The following GABRR2 variants were observed in gnomAD, a reference collection of about 807,000 sequenced individuals.
The protein encoded by GABRR2 is gamma-aminobutyric acid type A receptor subunit rho2.
A neutral mutation model predicts 47.0 loss-of-function variants in GABRR2; 36 were observed. The ratio of observed to expected loss-of-function variants is 0.77; its 90% CI spans 0.59 to 1.01. The LOEUF is 1.01. GABRR2 is among the 50% of genes least tolerant of loss of function. GABRR2 has a pLI of 0.00. For synonymous variants in GABRR2, 204 were observed against 227.5 expected (o/e 0.90, Z 0.93); for missense variants, 587 against 594.6 (o/e 0.99, Z 0.13).
At chr6:89,278,355 G>T (rs770861385) in intron 2 of GABRR2, among the ~76,000 whole-genome samples, 3 of 152,208 alleles carry the variant, frequency 2.0e-5, no homozygotes, top group Non-Finnish European at 4.4e-5. Flanking sequence ...CTGAATGATG[G>T]TTCACCTGGG....
intron 1 of GABRR2, among the ~76,000 whole-genome samples, chr6:89,306,106 GT>G (rs1474134340): frequency 6.6e-6 from 1 of 151,266 alleles, no homozygotes; most frequent in African/African-American, 2.4e-5. Context: ...GCCGAGTGCA[GT>G]GGCTCACATC....
intron 3 of GABRR2, 49 bp downstream of exon 3, chr6:89,271,606 C>T: frequency 6.6e-7 from 1 of 1,522,698 alleles, no homozygotes; most frequent in Non-Finnish European, 9.0e-7. Context: ...CCACCGAGGC[C>T]CACTACACTA....
chr6:89,273,672 G>C (rs1049257746), intron 2 of GABRR2, among the ~76,000 whole-genome samples: 2 of 152,214 alleles, frequency 1.3e-5, no homozygotes, highest in African/African-American at 4.8e-5. Flanking sequence ...ACCTGAAGGA[G>C]GGTGTGTGGG....
At chr6:89,289,407 G>A (rs2127843164) in intron 2 of GABRR2, among the ~76,000 whole-genome samples, 1 of 152,290 alleles carries the variant, frequency 6.6e-6, no homozygotes, top group South Asian at 2.1e-4. Context: ...AGGTGATGCT[G>A]GAAGATTAAG....
chr6:89,275,517 G>A (rs186566507), intron 2 of GABRR2, among the ~76,000 whole-genome samples: 1 of 152,056 alleles, frequency 6.6e-6, no homozygotes, highest in Admixed American at 6.6e-5. Flanking sequence ...CAAGTGATCC[G>A]CCCGCCTCAG....
intron 1 of GABRR2, among the ~76,000 whole-genome samples, chr6:89,307,405 G>T (rs1204228552): frequency 6.6e-6 from 1 of 152,204 alleles, no homozygotes; most frequent in African/African-American, 2.4e-5. Context: ...CTTAGCTACA[G>T]ATTATAATCA....
At position 89,255,343 on chromosome 6, in the gene GABRR2, A is replaced by G. The variant is rs981140527; in HGVS notation, c.*2327T>C. ...ATCCCAGCTACTCCAGGGCTGAGGCAGGAGAATTGCTTGAACCCGGGAGGC... is the reference window on the plus strand; with the variant it reads ...ATCCCAGCTACTCCAGGGCTGAGGCGGGAGAATTGCTTGAACCCGGGAGGC... On this transcript the variant is annotated 3_prime_UTR_variant, in exon 9 of 9. Transcript: ENST00000402938. Among the ~76,000 whole-genome samples the G allele has an allele frequency of 1.3e-5, 2 of 152,174 alleles. No individual in the cohort carries two copies. Among genetic ancestry groups the G allele is most frequent in the African/African-American group, 4.8e-5 (2 of 41,444 alleles).
chr6:89,265,591 A>T (rs768478928), intron 7 of GABRR2, 22 bp downstream of exon 7: 1 of 1,603,078 alleles, frequency 6.2e-7, no homozygotes, highest in South Asian at 1.1e-5. Flanking sequence ...CCACCCTACC[A>T]CACCTTATGA....
At position 89,269,028 on chromosome 6, in the gene GABRR2, G is replaced by A. The variant is rs750763228; in HGVS notation, c.495C>T (p.His165=). ...NIMLRVFPDG[H]VLYSMRITVT... ...ACAGCTACCTCATGCTGTACAGCACGTGTCCATCTGGGAACACCCTCAGCA... is the reference window on the plus strand; with the variant it reads ...ACAGCTACCTCATGCTGTACAGCACATGTCCATCTGGGAACACCCTCAGCA... Residue 165 remains histidine (H), a synonymous_variant, in exon 4 of 9, where the codon CAC becomes CAT. Transcript: ENST00000402938. The A allele has an allele frequency of 3.5e-5, 57 of 1,613,716 alleles. No homozygotes were observed. In the East Asian group the frequency reaches 3.8e-4, roughly 11 times the overall value.
chr6:89,271,619 G>A (rs1324430595), intron 3 of GABRR2, 36 bp downstream of exon 3: 2 of 1,581,694 alleles, frequency 1.3e-6, no homozygotes, highest in Admixed American at 1.7e-5. Context: ...CTACACTACA[G>A]GCTCTCACGC....
chr6:89,277,703 A>G (rs918790669), intron 2 of GABRR2, among the ~76,000 whole-genome samples: 2 of 152,138 alleles, frequency 1.3e-5, no homozygotes, highest in African/African-American at 4.8e-5. Context: ...AATGATAAAC[A>G]TCTGGAAAGG....
chr6:89,313,801 C>T (rs565729527), intron 1 of GABRR2, among the ~76,000 whole-genome samples: 3 of 152,238 alleles, frequency 2.0e-5, no homozygotes, highest in South Asian at 4.2e-4. Flanking sequence ...CCTGTAATCC[C>T]AGCTACTCGG....
In GABRR2 at chr6:89,271,771, T is replaced by C. The variant is rs1304211270; in HGVS notation, c.221-49A>G. ...GTTAAGGCACCTTCCTCTCTACCTT[T>C]GGGCTGGGAACAGCCCCAGTTGGCT... On this transcript the variant is annotated intron_variant, in intron 2 of 8. Transcript: ENST00000402938. 14 of 1,548,974 alleles carry C rather than the reference T, an allele frequency of 9.0e-6. No homozygotes were observed. The Admixed American group carries it at 1.6e-4, about 18-fold the overall frequency.
chr6:89,311,582 G>C (rs151183414), intron 1 of GABRR2, among the ~76,000 whole-genome samples: 1 of 152,118 alleles, frequency 6.6e-6, no homozygotes. Context: ...CCTCAAACCC[G>C]GCCTTTGGGT....
intron 2 of GABRR2, among the ~76,000 whole-genome samples, chr6:89,282,791 G>A (rs1047255791): frequency 2.0e-5 from 3 of 152,360 alleles, no homozygotes; most frequent in South Asian, 2.1e-4. Flanking sequence ...GCTTCAGACC[G>A]AAGTGGAGAG....
intron 2 of GABRR2, 52 bp from the exon 3 acceptor site, chr6:89,271,774 G>A: frequency 6.6e-7 from 1 of 1,522,138 alleles, no homozygotes; most frequent in South Asian, 1.2e-5. Context: ...CTACCTTTGG[G>A]CTGGGAACAG....
chr6:89,282,168 C>T (rs1025903946), intron 2 of GABRR2, among the ~76,000 whole-genome samples: 1 of 152,176 alleles, frequency 6.6e-6, no homozygotes, highest in Non-Finnish European at 1.5e-5. Flanking sequence ...CCATGCTAGG[C>T]CCAGCCAGCG....
intron 2 of GABRR2, among the ~76,000 whole-genome samples, chr6:89,281,495 G>A (rs148549894): frequency 6.6e-6 from 1 of 152,254 alleles, no homozygotes; most frequent in East Asian, 1.9e-4. Flanking sequence ...GGCACTTCAG[G>A]TTGTGTGATG....
At chr6:89,314,506 T>C (rs1767730592) in intron 1 of GABRR2, among the ~76,000 whole-genome samples, 1 of 152,250 alleles carries the variant, frequency 6.6e-6, no homozygotes, top group African/African-American at 2.4e-5. Flanking sequence ...TTCACACATA[T>C]ATTTCTGATA....
Sources: gnomAD v4.1 joint callset for allele counts (sites outside exome capture counted in the v4.1 genomes callset) on GRCh38, gnomAD v4.1.1 for gene constraint, MANE v1.5 for transcripts, NCBI Gene and HGNC (gene_info 2026-07-23, HGNC 2026-07-21) for gene names.